Variants in FOXP2 observed in about 807,000 individuals in gnomAD.
FOXP2 encodes forkhead box P2.
In FOXP2, 12 loss-of-function variants were observed where a neutral mutation model predicts 115.8. That is an observed-to-expected ratio of 0.10 (90% confidence interval 0.07 to 0.17). The LOEUF is 0.17. Among genes scored for constraint, FOXP2 ranks in the 10% least tolerant of loss-of-function variants. The probability of loss-of-function intolerance (pLI) is 1.00; values close to 1 mark genes in which losing one functional copy is unlikely to be tolerated. For missense variants in FOXP2, 629 were observed against 843.5 expected (o/e 0.75, Z 3.15); for synonymous variants, 328 against 297.7 (o/e 1.10, Z -1.05).
At chr7:114,151,095 C>A (rs577578463) in intron 1 of FOXP2, among the ~76,000 whole-genome samples, 54 of 151,774 alleles carry the variant, frequency 3.6e-4, no homozygotes, top group Non-Finnish European at 7.2e-4. Flanking sequence ...TATTTTAATT[C>A]TTATTTGCTA....
chr7:114,534,367 C>A (rs1461450207), intron 2 of FOXP2, among the ~76,000 whole-genome samples: 1 of 151,752 alleles, frequency 6.6e-6, no homozygotes, highest in Non-Finnish European at 1.5e-5. Context: ...TGATTTTTAT[C>A]CTCTTTAAGC....
chr7:114,601,546 C>T (rs1803024228), intron 3 of FOXP2, among the ~76,000 whole-genome samples: 1 of 151,850 alleles, frequency 6.6e-6, no homozygotes, highest in Non-Finnish European at 1.5e-5. Flanking sequence ...ATTTACTGTT[C>T]CTTTTTAAAC....
intron 3 of FOXP2, among the ~76,000 whole-genome samples, chr7:114,611,885 A>AAGAGAG (rs1803648264): frequency 6.6e-6 from 1 of 152,166 alleles, no homozygotes; most frequent in African/African-American, 2.4e-5. Context: ...GATAAAAGTT[A>AAGAGAG]AGAGAGTGGG....
At chr7:114,438,355 C>A (rs1177567552) in intron 2 of FOXP2, among the ~76,000 whole-genome samples, 1 of 152,116 alleles carries the variant, frequency 6.6e-6, no homozygotes, top group Non-Finnish European at 1.5e-5. Context: ...AGAAGGGCCT[C>A]TTGGAAAGCA....
chr7:114,627,155 C>A (rs551146033), intron 3 of FOXP2, among the ~76,000 whole-genome samples: 164 of 128,354 alleles, frequency 1.3e-3, no homozygotes, highest in African/African-American at 4.5e-3. Flanking sequence ...TTTTTTTTTT[C>A]TTCTGCTTCT....
chr7:114,660,086 C>T (rs1405193880), intron 13 of FOXP2, among the ~76,000 whole-genome samples: 3 of 152,120 alleles, frequency 2.0e-5, no homozygotes, highest in African/African-American at 7.2e-5. Context: ...CACATCATAC[C>T]TCATCATACA....
chr7:114,438,892 A>G (rs1204731135), intron 2 of FOXP2, among the ~76,000 whole-genome samples: 2 of 152,194 alleles, frequency 1.3e-5, no homozygotes, highest in East Asian at 1.9e-4. Context: ...CCAGAGTATT[A>G]GAGTGACAAA....
At chr7:114,578,356 AT>A (rs1584916735) in intron 3 of FOXP2, among the ~76,000 whole-genome samples, 1 of 151,952 alleles carries the variant, frequency 6.6e-6, no homozygotes, top group East Asian at 1.9e-4. Flanking sequence ...CTTAACATCT[AT>A]TTTCATCCTA....
intron 2 of FOXP2, among the ~76,000 whole-genome samples, chr7:114,297,595 C>A (rs1391031949): frequency 6.6e-6 from 1 of 152,196 alleles, no homozygotes; most frequent in African/African-American, 2.4e-5. Context: ...CTCATAAGAA[C>A]AATAAGCCAT....
At chr7:114,668,229 C>G (rs1807282988) in intron 16 of FOXP2, 1 of 151,918 alleles carries the variant, frequency 6.6e-6, no homozygotes, top group Non-Finnish European at 1.5e-5. Context: ...TGAATATATA[C>G]CTGAGGTTGA....
chr7:114,248,958 C>A (rs1204306842), intron 1 of FOXP2, among the ~76,000 whole-genome samples: 2 of 152,172 alleles, frequency 1.3e-5, no homozygotes, highest in Non-Finnish European at 2.9e-5. Context: ...TTAACCCTGA[C>A]TTGTCATTCA....
intron 2 of FOXP2, among the ~76,000 whole-genome samples, chr7:114,470,386 T>C (rs1795993498): frequency 6.6e-6 from 1 of 152,216 alleles, no homozygotes; most frequent in Non-Finnish European, 1.5e-5. Flanking sequence ...AGCTTTATCA[T>C]TCTAAACCAA....
At chr7:114,688,070 G>T (rs1476894190) in intron 16 of FOXP2, among the ~76,000 whole-genome samples, 1 of 150,198 alleles carries the variant, frequency 6.7e-6, no homozygotes, top group Admixed American at 6.7e-5. Flanking sequence ...AGCCATTTGT[G>T]AAGTAAAAAA....
intron 8 of FOXP2, among the ~76,000 whole-genome samples, chr7:114,651,330 A>G (rs1366401890): frequency 6.6e-6 from 1 of 152,102 alleles, no homozygotes; most frequent in Non-Finnish European, 1.5e-5. Flanking sequence ...AGGATATTGA[A>G]TTACTTGAAG....
intron 3 of FOXP2, among the ~76,000 whole-genome samples, chr7:114,537,970 C>G (rs1052644857): frequency 3.3e-5 from 5 of 151,614 alleles, no homozygotes; most frequent in Non-Finnish European, 7.4e-5. Flanking sequence ...CTAATAATAA[C>G]AGCCAAAGAC....
intron 13 of FOXP2, 33 bp from the exon 14 acceptor site, chr7:114,662,032 T>G (rs767514283): frequency 1.5e-5 from 24 of 1,611,044 alleles, no homozygotes; most frequent in Non-Finnish European, 2.0e-5. Context: ...AATATTATTT[T>G]TGCCATTTTT....
At chr7:114,642,807 TATA>T (rs1414628948) in intron 7 of FOXP2, among the ~76,000 whole-genome samples, 184 bp downstream of exon 7, 786 of 37,120 alleles carry the variant, frequency 0.021, 3 homozygotes, top group Non-Finnish European at 0.035. Context: ...TATATATATA[TATA>T]TATTTTTTTT....
At chr7:114,350,289 C>T (rs1791450880) in intron 2 of FOXP2, among the ~76,000 whole-genome samples, 2 of 152,020 alleles carry the variant, frequency 1.3e-5, no homozygotes, top group African/African-American at 2.4e-5. Context: ...TAATGCTTTT[C>T]CTCCCCTCCC....
At chr7:114,401,356 CT>C (rs2129196630) in intron 2 of FOXP2, among the ~76,000 whole-genome samples, 1 of 152,164 alleles carries the variant, frequency 6.6e-6, no homozygotes, top group Admixed American at 6.5e-5. Flanking sequence ...GAAACTTTTG[CT>C]TTTTTAAAGA....
Sources: allele counts gnomAD v4.1 joint callset (sites outside exome capture counted in the v4.1 genomes callset), GRCh38; gene constraint gnomAD v4.1.1; transcripts MANE v1.5; gene names NCBI Gene and HGNC (gene_info 2026-07-23, HGNC 2026-07-21).